Variants in RGS3 observed in about 807,000 individuals in gnomAD.
RGS3 encodes regulator of G-protein signalling 3.
A neutral mutation model predicts 132.6 loss-of-function variants in RGS3; 80 were observed. The ratio of observed to expected loss-of-function variants is 0.60; its 90% CI spans 0.50 to 0.73. The LOEUF (loss-of-function observed/expected upper bound fraction) is 0.73. Ranked by LOEUF, RGS3 falls within the 30% of genes least tolerant of loss-of-function variation. The probability of loss-of-function intolerance (pLI) is 0.00; values close to 1 mark genes in which losing one functional copy is unlikely to be tolerated. For missense variants in RGS3, 1,382 were observed against 1,530.8 expected (o/e 0.90, Z 1.62); for synonymous variants, 598 against 620.6 (o/e 0.96, Z 0.54).
intron 17 of RGS3, among the ~76,000 whole-genome samples, chr9:113,527,163 T>C (rs1203055276): frequency 6.6e-6 from 1 of 152,224 alleles, no homozygotes; most frequent in Non-Finnish European, 1.5e-5. Flanking sequence ...CACAGAAAAG[T>C]TGTCAAGGCA....
intron 7 of RGS3, among the ~76,000 whole-genome samples, chr9:113,486,038 T>A (rs1308283695): frequency 6.6e-6 from 1 of 152,232 alleles, no homozygotes; most frequent in Non-Finnish European, 1.5e-5. Context: ...TAACAACATG[T>A]ACGTGCTCAG....
intron 16 of RGS3, chr9:113,522,588 A>G (rs1040711200): frequency 1.2e-5 from 3 of 252,314 alleles, no homozygotes; most frequent in African/African-American, 6.6e-5. Flanking sequence ...AGGCTCCAGG[A>G]GCATTTGGTC....
At chr9:113,485,541 TG>T in intron 6 of RGS3, 83 bp from the exon 5 acceptor site, 1 of 1,025,250 alleles carries the variant, frequency 9.8e-7, no homozygotes, top group South Asian at 1.4e-5. Context: ...TCCACATTTT[TG>T]GAATTATGAC....
In RGS3 at chr9:113,536,779, A is replaced by G. The variant is rs182181802; in HGVS notation, c.1915-17A>G. 1.9e-6 allele frequency: 3 copies of G among 1,611,870 alleles called. No homozygotes were observed. The highest frequency in any genetic ancestry group is 2.2e-5 in the East Asian group (1 of 44,802). On this transcript the variant is annotated splice_polypyrimidine_tract_variant and intron_variant, in intron 18 of 24. Coordinates refer to ENST00000350696, the Ensembl canonical transcript of RGS3. ...AGCAGCCCTGACCGTCCGTTTCTCT[A>G]TTTTCCCTGACGTCAGAAGGCAGAG... is the stretch of plus-strand genomic sequence containing the variant.
chr9:113,574,730 A>G (rs117781218), intron 19 of RGS3, among the ~76,000 whole-genome samples: 2,356 of 152,312 alleles, frequency 0.015, 19 homozygotes, highest in Admixed American at 0.022. Context: ...TAGAGAGCTT[A>G]GGGAAATGAG....
intron 7 of RGS3, among the ~76,000 whole-genome samples, chr9:113,486,438 A>T (rs1189832705): frequency 6.6e-6 from 1 of 152,258 alleles, no homozygotes; most frequent in Non-Finnish European, 1.5e-5. Context: ...AAACAGGCTG[A>T]TCTTGCAGGC....
At chr9:113,462,181 A>T in exon 3 of RGS3, 1 of 1,613,960 alleles carries the variant, frequency 6.2e-7, no homozygotes, top group Non-Finnish European at 8.5e-7. Flanking sequence ...AGGATCACGC[A>T]TGCCAAAGTC....
chr9:113,580,880 C>G (rs1834765493), intron 19 of RGS3: 1 of 985,564 alleles, frequency 1.0e-6, no homozygotes, highest in Non-Finnish European at 1.2e-6. Flanking sequence ...GGGCCCCACC[C>G]TCACCACCCA....
At chr9:113,462,358 A>G (rs1829497292) in intron 3 of RGS3, among the ~76,000 whole-genome samples, 2 of 152,214 alleles carry the variant, frequency 1.3e-5, no homozygotes, top group Admixed American at 1.3e-4. Flanking sequence ...ACGAAGTGCC[A>G]GGATTCAAAC....
chr9:113,555,607 C>T (rs1427428660), intron 19 of RGS3, among the ~76,000 whole-genome samples: 1 of 152,074 alleles, frequency 6.6e-6, no homozygotes, highest in Non-Finnish European at 1.5e-5. Flanking sequence ...GTTGGGATTA[C>T]AGGCGCCCGC....
chr9:113,590,736 A>G (rs923280209), intron 20 of RGS3, among the ~76,000 whole-genome samples: 4 of 152,100 alleles, frequency 2.6e-5, no homozygotes, highest in Admixed American at 6.5e-5. Flanking sequence ...AACTGAAGGA[A>G]TAACTGAATG....
chr9:113,572,219 G>A (rs1260860751), intron 19 of RGS3, among the ~76,000 whole-genome samples: 1 of 152,154 alleles, frequency 6.6e-6, no homozygotes, highest in Non-Finnish European at 1.5e-5. Flanking sequence ...ATCCTAGAGG[G>A]ATGAAGGCAT....
rs903627222 is a variant in RGS3 at position 113,579,649 on chromosome 9, C to T, written c.2038-3801C>T. On this transcript the variant is annotated intron_variant, in intron 19 of 24. Coordinates refer to ENST00000350696, the Ensembl canonical transcript of RGS3. The surrounding 1 kb of genome is among the most constrained non-coding windows in gnomAD (Gnocchi z 4.3). ...GTTGCAACAGCTGTCTCACTGGGTC[C>T]CCAGCTGCCTGTACTTCCTCTATCA... Among the ~76,000 whole-genome samples the T allele has an allele frequency of 1.3e-5, 2 of 152,182 alleles. No homozygotes were observed. Among genetic ancestry groups the T allele is most frequent in the Non-Finnish European group, 2.9e-5 (2 of 68,026 alleles).
intron 3 of RGS3, among the ~76,000 whole-genome samples, chr9:113,471,986 T>C (rs1829850448): frequency 1.3e-5 from 2 of 152,198 alleles, no homozygotes; most frequent in Admixed American, 1.3e-4. Context: ...ATAGACATTT[T>C]TTTCCAAAGA....
intron 16 of RGS3, among the ~76,000 whole-genome samples, chr9:113,520,409 A>T (rs1831887332): frequency 6.6e-6 from 1 of 152,044 alleles, no homozygotes; most frequent in Non-Finnish European, 1.5e-5. Context: ...TCCTGTCTAG[A>T]CCATATTCTC....
At chr9:113,551,576 G>C (rs775830917) in intron 19 of RGS3, among the ~76,000 whole-genome samples, 3 of 152,176 alleles carry the variant, frequency 2.0e-5, no homozygotes, top group African/African-American at 4.8e-5. Context: ...ACTGCTGGGC[G>C]TGGTGGCTCA....
At chr9:113,481,845 G>A (rs527397097) in intron 4 of RGS3, among the ~76,000 whole-genome samples, 3 of 152,252 alleles carry the variant, frequency 2.0e-5, no homozygotes, top group African/African-American at 2.4e-5. Flanking sequence ...TCGGGAGTTC[G>A]AGACCAGCCT....
At chr9:113,595,121 C>A in intron 23 of RGS3, 141 bp downstream of exon 21, 3 of 789,326 alleles carry the variant, frequency 3.8e-6, no homozygotes, top group Non-Finnish European at 6.2e-6. Context: ...TGCGGAGGGG[C>A]TGAGCCCAAG....
chr9:113,524,995 G>T (rs1832138139), intron 17 of RGS3, among the ~76,000 whole-genome samples: 1 of 152,158 alleles, frequency 6.6e-6, no homozygotes, highest in Non-Finnish European at 1.5e-5. Context: ...GCAGCCTTGT[G>T]TAAGCTTGGC....
Sources: gnomAD v4.1 joint callset for allele counts (sites outside exome capture counted in the v4.1 genomes callset) on GRCh38, gnomAD v4.1.1 for gene constraint, Gnocchi (gnomAD v3.1) non-coding constraint, MANE v1.5 for transcripts, NCBI Gene and HGNC (gene_info 2026-07-23, HGNC 2026-07-21) for gene names.